The following LSAMP variants were observed in gnomAD, a reference collection of about 807,000 sequenced individuals.
LSAMP encodes the protein limbic system-associated membrane protein.
A neutral mutation model predicts 38.6 loss-of-function variants in LSAMP; 7 were observed. The ratio of observed to expected loss-of-function variants is 0.18; its 90% confidence interval spans 0.10 to 0.34. The LOEUF is 0.34. LSAMP is among the 10% of genes least tolerant of loss of function. LSAMP has a pLI of 1.00. For synonymous variants in LSAMP, 154 were observed against 166.8 expected (o/e 0.92, Z 0.59); for missense variants, 313 against 420.0 (o/e 0.75, Z 2.23).
intron 1 of LSAMP, among the ~76,000 whole-genome samples, chr3:116,220,035 G>A (rs2046263231): frequency 6.6e-6 from 1 of 152,086 alleles, no homozygotes; most frequent in Non-Finnish European, 1.5e-5. Context: ...ATTAGCCAGT[G>A]TGGTGGCACA....
intron 3 of LSAMP, among the ~76,000 whole-genome samples, chr3:115,957,086 C>T (rs964270809): frequency 6.6e-6 from 1 of 152,178 alleles, no homozygotes. Flanking sequence ...CTCCACTCCT[C>T]TTTGTGAATA....
chr3:116,296,694 CAAAAAAAAAAAAAAAAA>C (rs10659032), intron 1 of LSAMP, among the ~76,000 whole-genome samples: 2 of 59,698 alleles, frequency 3.4e-5, no homozygotes, highest in Admixed American at 2.9e-4. Flanking sequence ...GACTCTGTCT[CAAAAAAAAAAAAAAAAA>C]AAAAAAAAAA....
chr3:116,272,136 C>T (rs959097188), intron 1 of LSAMP, among the ~76,000 whole-genome samples: 1 of 150,066 alleles, frequency 6.7e-6, no homozygotes, highest in Non-Finnish European at 1.5e-5. Context: ...AATTACAGTT[C>T]CATAAACAAA....
intron 1 of LSAMP, among the ~76,000 whole-genome samples, chr3:116,123,244 G>A (rs143958332): frequency 2.0e-5 from 3 of 152,300 alleles, no homozygotes; most frequent in African/African-American, 7.2e-5. Context: ...TGTGATCTGT[G>A]TCTTAAAAGA....
chr3:115,805,090 T>C lies in LSAMP; in HGVS notation c.*5227A>G, dbSNP rs1933600699. 4.6e-5 allele frequency: 7 copies of C among 152,188 alleles called. No homozygotes were observed. In the South Asian group the frequency reaches 1.4e-3, roughly 31 times the overall value. 9.4% of individuals were successfully genotyped at this position (152,188 alleles called of 1,614,324 possible). ...AGCTATTTAAATAAGACATCTTAGA[T>C]GGTGAGAAAGGAGTAAAAAGAAGAT... On this transcript the variant is annotated 3_prime_UTR_variant, in exon 7 of 7. Transcript: ENST00000490035.
At chr3:115,943,456 A>G (rs1937996009) in intron 3 of LSAMP, among the ~76,000 whole-genome samples, 1 of 152,168 alleles carries the variant, frequency 6.6e-6, no homozygotes, top group Non-Finnish European at 1.5e-5. Flanking sequence ...ATTAGAGAAT[A>G]AGATAGATGC....
chr3:116,384,375 C>T (rs1208078871), intron 1 of LSAMP, among the ~76,000 whole-genome samples: 1 of 152,106 alleles, frequency 6.6e-6, no homozygotes, highest in African/African-American at 2.4e-5. Context: ...ATTAGGATCA[C>T]CTAAAAATAT....
chr3:116,318,460 G>T (rs2047663096), intron 1 of LSAMP, among the ~76,000 whole-genome samples: 1 of 152,110 alleles, frequency 6.6e-6, no homozygotes, highest in Admixed American at 6.5e-5. Context: ...TCTCCTTACT[G>T]CCATTCACTA....
At chr3:115,813,049 C>T (rs1933890250) in intron 6 of LSAMP, among the ~76,000 whole-genome samples, 1 of 151,940 alleles carries the variant, frequency 6.6e-6, no homozygotes, top group Non-Finnish European at 1.5e-5. Context: ...ATGATATACA[C>T]ACATATTATT....
At chr3:116,038,909 C>T (rs557964955) in intron 2 of LSAMP, among the ~76,000 whole-genome samples, 1 of 152,232 alleles carries the variant, frequency 6.6e-6, no homozygotes, top group South Asian at 2.1e-4. Context: ...ATAAAAATAC[C>T]AACCTTAAGG....
In LSAMP at chr3:116,171,557, C is replaced by A. The variant is rs143653266; in HGVS notation, c.156-85001G>T. Among the ~76,000 whole-genome samples the A allele has an allele frequency of 6.5e-3, 995 of 152,132 alleles. 13 individuals are homozygous for A. Among genetic ancestry groups the A allele is most frequent in the African/African-American group, 0.023 (945 of 41,510 alleles). ...ATTTTTTTAAATCTGATAATCTGAA[C>A]CATGAACATATTTTTGCCAGCAAGT... On this transcript the variant is annotated intron_variant, in intron 1 of 6. Coordinates refer to ENST00000490035, the MANE Select transcript of LSAMP (RefSeq NM_002338.5).
intron 6 of LSAMP, 154 bp downstream of exon 6, chr3:115,841,691 C>T: frequency 3.0e-6 from 2 of 675,128 alleles, no homozygotes; most frequent in South Asian, 2.6e-5. Context: ...CTCTGCTATG[C>T]ACAGGAGTTG....
At chr3:116,074,192 T>A (rs1268780573) in intron 2 of LSAMP, among the ~76,000 whole-genome samples, 2 of 152,190 alleles carry the variant, frequency 1.3e-5, no homozygotes, top group Non-Finnish European at 2.9e-5. Context: ...AAAGCCTGGA[T>A]CTCATGCTGA....
intron 3 of LSAMP, among the ~76,000 whole-genome samples, chr3:115,910,203 G>A (rs746346305): frequency 3.3e-5 from 5 of 152,132 alleles, no homozygotes; most frequent in Non-Finnish European, 4.4e-5. Flanking sequence ...CAGGTCTTTT[G>A]CTCAATCTTC....
At chr3:116,372,399 C>T (rs184174478) in intron 1 of LSAMP, among the ~76,000 whole-genome samples, 5 of 151,964 alleles carry the variant, frequency 3.3e-5, no homozygotes, top group East Asian at 1.9e-4. Context: ...TACCTAACAC[C>T]ATATACAAAA....
chr3:116,366,015 A>T (rs1332450546), intron 1 of LSAMP, among the ~76,000 whole-genome samples: 2,819 of 118,986 alleles, frequency 0.024, 49 homozygotes, highest in African/African-American at 0.042. Context: ...GAGTATAATA[A>T]AAAAAAAAAA....
At chr3:115,815,730 T>G (rs1412992609) in intron 6 of LSAMP, among the ~76,000 whole-genome samples, 1 of 152,184 alleles carries the variant, frequency 6.6e-6, no homozygotes, top group Admixed American at 6.5e-5. Context: ...ACATAATTGG[T>G]AATCGTGGCA....
At chr3:116,168,951 A>C (rs1447789069) in intron 1 of LSAMP, among the ~76,000 whole-genome samples, 1 of 152,190 alleles carries the variant, frequency 6.6e-6, no homozygotes, top group Non-Finnish European at 1.5e-5. Flanking sequence ...CTGTAATACC[A>C]GTACCCTGGG....
intron 3 of LSAMP, among the ~76,000 whole-genome samples, chr3:115,945,950 G>A (rs1194906706): frequency 1.3e-5 from 2 of 152,118 alleles, no homozygotes; most frequent in African/African-American, 2.4e-5. Flanking sequence ...TACAATAAGA[G>A]TTTGAAAGAA....
Sources: gnomAD v4.1 joint callset for allele counts (sites outside exome capture counted in the v4.1 genomes callset) on GRCh38, gnomAD v4.1.1 for gene constraint, MANE v1.5 for transcripts, NCBI Gene and HGNC (gene_info 2026-07-23, HGNC 2026-07-21) for gene names.